LYZL1: variants seen among roughly 807,000 people sequenced by gnomAD.
LYZL1 encodes lysozyme-like protein 1.
A neutral mutation model predicts 17.9 loss-of-function variants in LYZL1; 16 were observed. That is an observed-to-expected ratio of 0.90 (90% CI 0.61 to 1.36). The LOEUF (loss-of-function observed/expected upper bound fraction) is 1.36, where lower values mean the gene tolerates loss of function less well. Among genes scored for constraint, LYZL1 ranks in the 40% most tolerant of loss-of-function variants. LYZL1 has a pLI of 0.00. For missense variants in LYZL1, 149 were observed against 188.4 expected, an observed-to-expected ratio of 0.79 and a Z score of 1.22; for synonymous variants, 58 against 71.8, an observed-to-expected ratio of 0.81 and a Z score of 0.97.
downstream of LYZL1, among the ~76,000 whole-genome samples, chr10:29,316,034 AAGCAGTTCTTTACACAC>A (rs1835726332): frequency 6.6e-6 from 1 of 152,200 alleles, no homozygotes; most frequent in African/African-American, 2.4e-5. Context: ...CTTGGGCTGC[AAGCAGTTCTTTACACAC>A]AGCGATGTCA....
chr10:29,315,225 T>G (rs1048543710), downstream of LYZL1, among the ~76,000 whole-genome samples: 13 of 152,148 alleles, frequency 8.5e-5, no homozygotes, highest in Non-Finnish European at 1.5e-5. Flanking sequence ...TTTAAAAAAT[T>G]TAGGCCGGGC....
downstream of LYZL1, chr10:29,311,334 G>A (rs913438309): frequency 8.0e-6 from 8 of 1,005,156 alleles, no homozygotes; most frequent in East Asian, 2.3e-4. Context: ...CTTCTTCATT[G>A]TAGGGAGTCC....
intron 4 of LYZL1, 151 bp from the exon 5 acceptor site, chr10:29,310,839 C>T: frequency 8.7e-7 from 1 of 1,153,664 alleles, no homozygotes; most frequent in East Asian, 2.5e-5. Context: ...CTGAACTAGG[C>T]AAAAGGACAG....
In LYZL1 at chr10:29,310,190, T is replaced by C. The variant is rs1392018221; in HGVS notation, c.377+2T>C. On this transcript the variant is annotated splice_donor_variant, in intron 4 of 4. Transcript: ENST00000649382. LOFTEE classifies it high-confidence loss of function. ...AGAGACACAAGGAATGAACTATTGG[T>C]AAGAGTGTTTTCTTGGGAGACTTGT... is the stretch of plus-strand genomic sequence containing the variant. 5 of 1,598,866 alleles carry C rather than the reference T, an allele frequency of 3.1e-6. No individual in the cohort carries two copies. The African/African-American group carries it at 5.4e-5, about 17-fold the overall frequency.
intron 3 of LYZL1, among the ~76,000 whole-genome samples, chr10:29,295,949 A>G (rs1426378938): frequency 6.6e-6 from 1 of 152,178 alleles, no homozygotes; most frequent in Non-Finnish European, 1.5e-5. Context: ...CAAGTGAGCA[A>G]GGAAATGGAT....
chr10:29,304,281 G>T (rs1835560799), intron 3 of LYZL1, among the ~76,000 whole-genome samples: 1 of 152,150 alleles, frequency 6.6e-6, no homozygotes. Flanking sequence ...CAACAGCACA[G>T]ATTTCATTAA....
downstream of LYZL1, among the ~76,000 whole-genome samples, chr10:29,314,907 C>A (rs2132842584): frequency 6.6e-6 from 1 of 152,288 alleles, no homozygotes; most frequent in East Asian, 1.9e-4. Context: ...CTTCAGAACT[C>A]AGTGACAGAA....
At chr10:29,313,890 T>C (rs1331933344), downstream of LYZL1, among the ~76,000 whole-genome samples, 2 of 152,212 alleles carry the variant, frequency 1.3e-5, no homozygotes, top group African/African-American at 2.4e-5. Flanking sequence ...TATTAGGGGA[T>C]AGTGATTGGC....
At chr10:29,306,549 CAAAAAAA>C (rs58001118) in intron 3 of LYZL1, among the ~76,000 whole-genome samples, 13 of 48,806 alleles carry the variant, frequency 2.7e-4, no homozygotes, top group South Asian at 1.7e-3. Context: ...GACTCCGTCT[CAAAAAAA>C]AAAAAAAAAA....
chr10:29,303,349 T>A (rs953540122), intron 3 of LYZL1, among the ~76,000 whole-genome samples: 1 of 152,130 alleles, frequency 6.6e-6, no homozygotes, highest in African/African-American at 2.4e-5. Context: ...GTCATGGCAG[T>A]CACAGGGTTC....
At chr10:29,303,953 G>A (rs960392762) in intron 3 of LYZL1, among the ~76,000 whole-genome samples, 1 of 152,124 alleles carries the variant, frequency 6.6e-6, no homozygotes, top group Non-Finnish European at 1.5e-5. Flanking sequence ...AGAGAAGGGG[G>A]TCTCGCCATG....
Position 29,289,127 on chromosome 10 carries a change from G to A in LYZL1, c.-129G>A, listed in dbSNP as rs748985525. ...GACATGGCTTCAGGGGATGCAGGAC[G>A]CTCCCCTGAGCTGCCTGTCACCGAC... is the stretch of plus-strand genomic sequence containing the variant. On this transcript the variant is annotated 5_prime_UTR_variant, in exon 1 of 5. Coordinates refer to ENST00000649382, the MANE Select transcript of LYZL1 (RefSeq NM_032517.6). The A allele has an allele frequency of 8.2e-6, 13 of 1,593,346 alleles. No homozygotes were observed. The highest frequency in any genetic ancestry group is 2.3e-5 in the South Asian group (2 of 88,508).
Position 29,306,792 on chromosome 10 carries a change from A to ATG in LYZL1, c.299-3316_299-3315dup, listed in dbSNP as rs1238882899. Among the ~76,000 whole-genome samples the ATG allele has an allele frequency of 4.7e-3, 428 of 91,508 alleles. 2 individuals carry two copies. Among genetic ancestry groups the ATG allele is most frequent in the African/African-American group, 0.018 (386 of 21,090 alleles). 60.0% of individuals were successfully genotyped at this position (91,508 alleles called of 152,430 possible). On this transcript the variant is annotated intron_variant, in intron 3 of 4. Transcript: ENST00000649382. ...CCATCACCTCACATAGTTACCGCTT[A>ATG]TGTATGTGTGTGTGTGTGTGTGTGT...
intron 3 of LYZL1, among the ~76,000 whole-genome samples, chr10:29,317,062 G>T (rs1835741357): frequency 6.6e-6 from 1 of 152,156 alleles, no homozygotes; most frequent in South Asian, 2.1e-4. Flanking sequence ...GGAATTATAG[G>T]ATACCTAATT....
At chr10:29,301,229 C>A (rs1835514885) in intron 3 of LYZL1, among the ~76,000 whole-genome samples, 1 of 152,142 alleles carries the variant, frequency 6.6e-6, no homozygotes, top group Admixed American at 6.5e-5. Context: ...TGCCTGCTGC[C>A]ATCCATCTAA....
chr10:29,317,261 A>C (rs539343985), intron 3 of LYZL1: 1 of 152,140 alleles, frequency 6.6e-6, no homozygotes, highest in Admixed American at 6.5e-5. Context: ...CAAGTTTTGC[A>C]AAGAGCCCTT....
chr10:29,292,507 T>A lies in LYZL1; in HGVS notation c.140-12T>A. The A allele has an allele frequency of 6.2e-6, 10 of 1,610,980 alleles. No individual in the cohort carries two copies. The highest frequency in any genetic ancestry group is 7.6e-6 in the Non-Finnish European group (9 of 1,178,802). ...CTTCCTTTGCTGGCGTTTCTGGCTT[T>A]CCCCCCTCCAGGGATCTGCATGGCA... is the stretch of plus-strand genomic sequence containing the variant. On this transcript the variant is annotated splice_polypyrimidine_tract_variant and intron_variant, in intron 2 of 4. Transcript: ENST00000649382.
intron 1 of LYZL1, among the ~76,000 whole-genome samples, chr10:29,290,194 TGAACATATGTAA>T (rs1224588851): frequency 6.6e-6 from 1 of 152,180 alleles, no homozygotes; most frequent in Non-Finnish European, 1.5e-5. Flanking sequence ...TGACACGGGA[TGAACATATGTAA>T]GAACATCAAG....
At position 29,304,748 on chromosome 10, in the gene LYZL1, G is replaced by T. The variant is rs61361342; in HGVS notation, c.299-5362G>T. ...TGCTGCCCTTCTGTGGCTATTTCTT[G>T]TAACAACACCTCAGTGCTCAGGGCT... On this transcript the variant is annotated intron_variant, in intron 3 of 4. Transcript: ENST00000649382. Among the ~76,000 whole-genome samples the T allele has an allele frequency of 2.1e-4, 32 of 152,224 alleles. No individual in the cohort carries two copies. In the East Asian group the frequency reaches 6.2e-3, roughly 29 times the overall value.
Sources: gnomAD v4.1 joint callset for allele counts (sites outside exome capture counted in the v4.1 genomes callset) on GRCh38, gnomAD v4.1.1 for gene constraint, MANE v1.5 for transcripts, NCBI Gene and HGNC (gene_info 2026-07-23, HGNC 2026-07-21) for gene names.